The following KCNH1 variants were observed in gnomAD, a reference collection of about 807,000 sequenced individuals.
The protein encoded by KCNH1 is potassium voltage-gated channel subfamily H member 1, also known as voltage-gated delayed rectifier potassium channel KCNH1.
Under a neutral mutation model 69.2 loss-of-function variants are expected in KCNH1, and 27 were observed. The ratio of observed to expected loss-of-function variants is 0.39; its 90% CI spans 0.29 to 0.54. The LOEUF is 0.54. KCNH1 is among the 20% of genes least tolerant of loss of function. The probability of loss-of-function intolerance (pLI) is 0.68; values close to 1 mark genes in which losing one functional copy is unlikely to be tolerated. For missense variants in KCNH1, 798 were observed against 1,261.6 expected, an observed-to-expected ratio of 0.63 and a Z score of 5.57; for synonymous variants, 456 against 487.7, an observed-to-expected ratio of 0.93 and a Z score of 0.86.
At chr1:210,847,688 A>G (rs538508133) in intron 7 of KCNH1, among the ~76,000 whole-genome samples, 77 of 152,256 alleles carry the variant, frequency 5.1e-4, no homozygotes, top group Admixed American at 8.5e-4. Flanking sequence ...TATGTAACAA[A>G]GCTGCACGTT....
chr1:210,851,779 G>A (rs1031307661), intron 7 of KCNH1, among the ~76,000 whole-genome samples: 5 of 152,156 alleles, frequency 3.3e-5, no homozygotes, highest in African/African-American at 1.2e-4. Context: ...AAGTATCTGG[G>A]TATCTACAAA....
At chr1:211,000,142 A>T (rs1000057316) in intron 6 of KCNH1, among the ~76,000 whole-genome samples, 1 of 152,204 alleles carries the variant, frequency 6.6e-6, no homozygotes, top group Non-Finnish European at 1.5e-5. Flanking sequence ...TATTCAACAT[A>T]GTGTTGGAAG....
intron 10 of KCNH1, among the ~76,000 whole-genome samples, chr1:210,691,258 A>T (rs1311223837): frequency 6.6e-6 from 1 of 152,234 alleles, no homozygotes. Context: ...ACGCCAAGAC[A>T]CAAAGGCAGA....
chr1:210,829,015 G>A (rs79533957), intron 7 of KCNH1, among the ~76,000 whole-genome samples: 3,692 of 152,296 alleles, frequency 0.024, 147 homozygotes, highest in African/African-American at 0.085. Context: ...TCATGGAGGT[G>A]TGCATAGCTT....
intron 6 of KCNH1, among the ~76,000 whole-genome samples, chr1:211,017,475 C>T (rs953957625): frequency 1.3e-5 from 2 of 152,154 alleles, no homozygotes; most frequent in Admixed American, 6.5e-5. Flanking sequence ...CCTTGGGAGC[C>T]TCTGTAATCT....
chr1:210,688,245 G>T (rs1317904737), intron 10 of KCNH1, among the ~76,000 whole-genome samples: 1 of 152,170 alleles, frequency 6.6e-6, no homozygotes, highest in East Asian at 1.9e-4. Flanking sequence ...GTAGGGTATA[G>T]GATGCTCTCT....
At chr1:210,721,737 G>A (rs955863000) in intron 10 of KCNH1, among the ~76,000 whole-genome samples, 35 of 152,024 alleles carry the variant, frequency 2.3e-4, no homozygotes, top group African/African-American at 8.4e-4. Context: ...CACCAACATG[G>A]CACATGTATA....
At chr1:210,832,934 A>T (rs1260914329) in intron 7 of KCNH1, among the ~76,000 whole-genome samples, 8 of 150,102 alleles carry the variant, frequency 5.3e-5, no homozygotes, top group African/African-American at 1.5e-4. Context: ...ATATAAATTG[A>T]ATTTGAGGAA....
At chr1:210,691,819 TTTGA>T (rs1428837162) in intron 10 of KCNH1, among the ~76,000 whole-genome samples, 2 of 152,230 alleles carry the variant, frequency 1.3e-5, no homozygotes, top group African/African-American at 2.4e-5. Context: ...AAACCCAGAC[TTTGA>T]TTGATTAAGG....
At chr1:211,122,447 A>G (rs757354990) in intron 1 of KCNH1, among the ~76,000 whole-genome samples, 1 of 152,220 alleles carries the variant, frequency 6.6e-6, no homozygotes, top group African/African-American at 2.4e-5. Context: ...AACCAGAAAT[A>G]CTATTTGACC....
chr1:210,900,583 C>G (rs1686974358), intron 7 of KCNH1, among the ~76,000 whole-genome samples: 1 of 152,130 alleles, frequency 6.6e-6, no homozygotes, highest in African/African-American at 2.4e-5. Flanking sequence ...GGGAAAATAA[C>G]TAGACCAGTG....
intron 10 of KCNH1, among the ~76,000 whole-genome samples, chr1:210,718,075 C>G (rs534722193): frequency 6.6e-6 from 1 of 151,260 alleles, no homozygotes; most frequent in African/African-American, 2.4e-5. Flanking sequence ...CTACTGCACT[C>G]CAGCCTGGGT....
At chr1:210,754,873 C>G (rs960132805) in intron 10 of KCNH1, among the ~76,000 whole-genome samples, 47 of 148,554 alleles carry the variant, frequency 3.2e-4, no homozygotes, top group Middle Eastern at 3.4e-3. Context: ...CACACACACA[C>G]ACACACAGAC....
chr1:210,859,162 G>C, intron 7 of KCNH1: 3 of 1,480,794 alleles, frequency 2.0e-6, no homozygotes, highest in Non-Finnish European at 2.8e-6. Flanking sequence ...CAGTAGGAAA[G>C]AAAGAGATAA....
chr1:211,091,770 C>A (rs982805321), intron 3 of KCNH1, among the ~76,000 whole-genome samples: 7 of 152,202 alleles, frequency 4.6e-5, no homozygotes, highest in Admixed American at 4.6e-4. Context: ...TGACTGGCTT[C>A]TCAGAGAGGA....
intron 1 of KCNH1, among the ~76,000 whole-genome samples, chr1:211,131,602 T>A (rs1691876850): frequency 1.3e-5 from 2 of 152,204 alleles, no homozygotes; most frequent in African/African-American, 4.8e-5. Context: ...GATTTTAGAA[T>A]GAGACAATCA....
chr1:210,919,633 T>C lies in KCNH1; in HGVS notation c.1462+7A>G. On this transcript the variant is annotated splice_region_variant and intron_variant, in intron 7 of 10. Coordinates refer to ENST00000271751, the MANE Select transcript of KCNH1 (RefSeq NM_172362.3). The surrounding 1 kb of genome is among the most constrained non-coding windows in gnomAD (Gnocchi z 4.2). ...GGCCAACCCCACCCCAGCACTGTCA[T>C]ACTTACAGCCAATCATCATGATGGC... 6.2e-7 allele frequency: 1 copy of C among 1,609,696 alleles called. No individual in the cohort carries two copies. The highest frequency in any genetic ancestry group is 8.5e-7 in the Non-Finnish European group (1 of 1,177,234).
At chr1:211,128,675 C>G (rs1435254229) in intron 1 of KCNH1, among the ~76,000 whole-genome samples, 1 of 152,088 alleles carries the variant, frequency 6.6e-6, no homozygotes, top group Non-Finnish European at 1.5e-5. Flanking sequence ...GTTTTGTGTG[C>G]TTTTCTATTT....
intron 6 of KCNH1, among the ~76,000 whole-genome samples, chr1:210,993,486 C>T (rs903393194): frequency 6.6e-6 from 1 of 152,174 alleles, no homozygotes; most frequent in East Asian, 1.9e-4. Flanking sequence ...AAGCCTCCAT[C>T]GTTGATTGTC....
Sources: allele counts gnomAD v4.1 joint callset (sites outside exome capture counted in the v4.1 genomes callset), GRCh38; gene constraint gnomAD v4.1.1; non-coding constraint Gnocchi (gnomAD v3.1); transcripts MANE v1.5; gene names NCBI Gene and HGNC (gene_info 2026-07-23, HGNC 2026-07-21).